Variants in CACNB2 observed in about 807,000 individuals in gnomAD.
CACNB2 encodes calcium voltage-gated channel auxiliary subunit beta 2.
Under a neutral mutation model 73.3 loss-of-function variants are expected in CACNB2, and 42 were observed. The ratio of observed to expected loss-of-function variants is 0.57; its 90% confidence interval spans 0.45 to 0.74. The LOEUF (loss-of-function observed/expected upper bound fraction) is 0.74, where lower values mean the gene tolerates loss of function less well. CACNB2 is among the 30% of genes least tolerant of loss of function. The pLI, the probability that CACNB2 is intolerant of heterozygous loss-of-function variation, is 0.00. For synonymous variants in CACNB2, 348 were observed against 310.3 expected (o/e 1.12, Z -1.28); for missense variants, 940 against 853.0 (o/e 1.10, Z -1.27).
chr10:18,318,396 T>C (rs1017471769), intron 2 of CACNB2, among the ~76,000 whole-genome samples: 1 of 152,212 alleles, frequency 6.6e-6, no homozygotes, highest in Non-Finnish European at 1.5e-5. Context: ...ATTTAATAAT[T>C]GGTGCTGGGA....
chr10:18,338,984 C>A (rs1370704764), intron 2 of CACNB2, among the ~76,000 whole-genome samples: 1 of 151,992 alleles, frequency 6.6e-6, no homozygotes, highest in South Asian at 2.1e-4. Flanking sequence ...AAATGATCCT[C>A]CCACCTCGGC....
chr10:18,369,670 G>A lies in CACNB2; in HGVS notation c.214-32254G>A, dbSNP rs1408703533. Among the ~76,000 whole-genome samples, 8 of 152,266 alleles carry A rather than the reference G, an allele frequency of 5.3e-5. No individual in the cohort carries two copies. In the East Asian group the frequency reaches 1.5e-3, roughly 29 times the overall value. On this transcript the variant is annotated intron_variant, in intron 2 of 13. Coordinates refer to ENST00000324631, the MANE Select transcript of CACNB2 (RefSeq NM_201596.3). ...ACCTGTAATCCCAGCACTTTGGGAG[G>A]CCCAGGCAGGCAGATCACCTGAGAT...
At chr10:18,495,692 G>T (rs1332830339) in intron 3 of CACNB2, among the ~76,000 whole-genome samples, 1 of 151,538 alleles carries the variant, frequency 6.6e-6, no homozygotes, top group African/African-American at 2.4e-5. Context: ...GGATTTACAG[G>T]CATGAGCCAC....
At chr10:18,141,523 C>G (rs766598815) in intron 1 of CACNB2, among the ~76,000 whole-genome samples, 1 of 152,248 alleles carries the variant, frequency 6.6e-6, no homozygotes, top group Non-Finnish European at 1.5e-5. Context: ...TTTTCCGTCT[C>G]CCCTGAAATG....
chr10:18,532,825 A>C (rs567192841), intron 10 of CACNB2, among the ~76,000 whole-genome samples: 3 of 152,170 alleles, frequency 2.0e-5, no homozygotes. Flanking sequence ...AGATGAAACA[A>C]AGATGAAAAT....
chr10:18,325,564 C>G (rs1022465128), intron 2 of CACNB2, among the ~76,000 whole-genome samples: 1 of 151,234 alleles, frequency 6.6e-6, no homozygotes, highest in Non-Finnish European at 1.5e-5. Flanking sequence ...TCTTTTCTTT[C>G]TTTCCTTTCC....
intron 3 of CACNB2, among the ~76,000 whole-genome samples, chr10:18,447,319 G>A (rs2046783932): frequency 6.6e-6 from 1 of 152,192 alleles, no homozygotes. Flanking sequence ...ATGTTTTGTG[G>A]AAGTAGAGCT....
At chr10:18,451,395 T>A (rs1416531454) in intron 3 of CACNB2, among the ~76,000 whole-genome samples, 1 of 152,176 alleles carries the variant, frequency 6.6e-6, no homozygotes, top group Non-Finnish European at 1.5e-5. Flanking sequence ...TGGCCCCTGC[T>A]CTGTTTCAGA....
chr10:18,355,258 G>A (rs1456480235), intron 2 of CACNB2, among the ~76,000 whole-genome samples: 1 of 152,138 alleles, frequency 6.6e-6, no homozygotes, highest in Non-Finnish European at 1.5e-5. Flanking sequence ...CTTGTTATTT[G>A]AGCTTTCTAG....
chr10:18,284,556 G>A (rs1265105905), intron 2 of CACNB2, among the ~76,000 whole-genome samples: 2 of 152,144 alleles, frequency 1.3e-5, no homozygotes, highest in Non-Finnish European at 2.9e-5. Flanking sequence ...GGAGAATGCT[G>A]AATCCCATCA....
chr10:18,217,714 G>C (rs10828318), intron 2 of CACNB2, among the ~76,000 whole-genome samples: 43,561 of 150,702 alleles, frequency 0.29, 7,929 homozygotes, highest in African/African-American at 0.52. Flanking sequence ...CAAGCAGAGA[G>C]AACAGCCATT....
chr10:18,299,826 G>A (rs1348877542), intron 2 of CACNB2, among the ~76,000 whole-genome samples: 1 of 152,152 alleles, frequency 6.6e-6, no homozygotes, highest in Non-Finnish European at 1.5e-5. Context: ...GTATATTGAT[G>A]ATAAGAGATG....
At chr10:18,220,854 T>C (rs1219025566) in intron 2 of CACNB2, among the ~76,000 whole-genome samples, 26 of 152,164 alleles carry the variant, frequency 1.7e-4, no homozygotes, top group Admixed American at 1.7e-3. Context: ...CCCAAAACCA[T>C]TCCCTACAAT....
intron 2 of CACNB2, among the ~76,000 whole-genome samples, chr10:18,260,087 G>A (rs7099380): frequency 0.57 from 87,165 of 151,974 alleles, 25,445 homozygotes; most frequent in East Asian, 0.7. Context: ...ATCAATATCT[G>A]TGACACACTA....
At chr10:18,420,651 T>G (rs7912753) in intron 3 of CACNB2, among the ~76,000 whole-genome samples, 1 of 152,018 alleles carries the variant, frequency 6.6e-6, no homozygotes, top group Non-Finnish European at 1.5e-5. Context: ...AAATGCTAAT[T>G]TCACCCCAAA....
At chr10:18,214,352 G>C (rs1167621930) in intron 2 of CACNB2, among the ~76,000 whole-genome samples, 1 of 75,714 alleles carries the variant, frequency 1.3e-5, no homozygotes, top group Non-Finnish European at 4.1e-5. Flanking sequence ...GTGACTGGGT[G>C]CAGTGGCTCA....
intron 3 of CACNB2, among the ~76,000 whole-genome samples, chr10:18,447,941 G>T (rs1300076697): frequency 6.6e-6 from 1 of 152,062 alleles, no homozygotes; most frequent in African/African-American, 2.4e-5. Flanking sequence ...ACAGGATTAA[G>T]TAGAAGAAAA....
intron 3 of CACNB2, among the ~76,000 whole-genome samples, chr10:18,439,861 C>T (rs1272030596): frequency 6.6e-6 from 1 of 152,180 alleles, no homozygotes; most frequent in African/African-American, 2.4e-5. Flanking sequence ...GTAAACAAAA[C>T]AAAGCCCCTG....
At chr10:18,289,420 G>A (rs181130350) in intron 2 of CACNB2, among the ~76,000 whole-genome samples, 3 of 150,996 alleles carry the variant, frequency 2.0e-5, no homozygotes, top group South Asian at 2.1e-4. Flanking sequence ...TCAGCCTCAC[G>A]AGTAGCTGGG....
Sources: gnomAD v4.1 joint callset for allele counts (sites outside exome capture counted in the v4.1 genomes callset) on GRCh38, gnomAD v4.1.1 for gene constraint, MANE v1.5 for transcripts, NCBI Gene and HGNC (gene_info 2026-07-23, HGNC 2026-07-21) for gene names.